The following RPS6KA2 variants were observed in gnomAD, a reference collection of about 807,000 sequenced individuals.
RPS6KA2 encodes ribosomal protein S6 kinase alpha-2.
Under a neutral mutation model 91.8 loss-of-function variants are expected in RPS6KA2, and 42 were observed. The ratio of observed to expected loss-of-function variants is 0.46; its 90% CI spans 0.36 to 0.59. RPS6KA2 has a LOEUF of 0.59. Among genes scored for constraint, RPS6KA2 ranks in the 20% least tolerant of loss-of-function variants. The probability of loss-of-function intolerance (pLI) is 0.00; values close to 1 mark genes in which losing one functional copy is unlikely to be tolerated. For missense variants in RPS6KA2, 798 were observed against 978.5 expected, an observed-to-expected ratio of 0.82 and a Z score of 2.46; for synonymous variants, 414 against 393.6, an observed-to-expected ratio of 1.05 and a Z score of -0.61.
chr6:166,802,471 T>C, intron 2 of RPS6KA2, among the ~76,000 whole-genome samples: 1 of 152,148 alleles, frequency 6.6e-6, no homozygotes, highest in East Asian at 1.9e-4. Flanking sequence ...GTGCTCAGAA[T>C]GAGTTAAAAT....
chr6:166,602,333 C>G (rs1785772071), intron 1 of RPS6KA2, among the ~76,000 whole-genome samples: 1 of 152,170 alleles, frequency 6.6e-6, no homozygotes, highest in Non-Finnish European at 1.5e-5. Flanking sequence ...GCTCCATGAC[C>G]CAGCAATCTC....
At position 166,849,320 on chromosome 6, in the gene RPS6KA2, T is replaced by C. The variant is rs1780678194; in HGVS notation, c.123+8880A>G. On this transcript the variant is annotated intron_variant, in intron 2 of 21. Coordinates refer to the RPS6KA2 transcript ENST00000503859. The surrounding 1 kb of genome is among the most constrained non-coding windows in gnomAD (Gnocchi z 4.9). ...CCACGCAGAGCACTCCCTGTCACCC[T>C]ATTTCTGCACAGTACTTACCCCCGT... is the stretch of plus-strand genomic sequence containing the variant. Among the ~76,000 whole-genome samples the C allele has an allele frequency of 6.6e-6, 1 of 152,226 alleles. No individual in the cohort carries two copies. Among genetic ancestry groups the C allele is most frequent in the Non-Finnish European group, 1.5e-5 (1 of 68,020 alleles).
intron 5 of RPS6KA2, 124 bp from the exon 6 acceptor site, chr6:166,504,736 G>C (rs1279165129): frequency 9.5e-6 from 6 of 630,310 alleles, no homozygotes; most frequent in Non-Finnish European, 1.4e-5. Flanking sequence ...TCTGTGGAAC[G>C]CTATGGCCCC....
intron 2 of RPS6KA2, among the ~76,000 whole-genome samples, chr6:166,809,534 G>T (rs1157825866): frequency 6.6e-6 from 1 of 152,320 alleles, no homozygotes; most frequent in Non-Finnish European, 1.5e-5. Flanking sequence ...GTTGCATAGG[G>T]TGTGGACAGG....
intron 2 of RPS6KA2, among the ~76,000 whole-genome samples, chr6:166,835,245 T>C (rs887695505): frequency 1.3e-5 from 2 of 152,212 alleles, no homozygotes; most frequent in African/African-American, 4.8e-5. Context: ...CCAACTTTAT[T>C]CTTCTTTCGC....
rs1460900562 is a variant in RPS6KA2 at position 166,603,592 on chromosome 6, T to G, written c.99+23329A>C. 6.6e-6 allele frequency among the ~76,000 whole-genome samples: 1 copy of G among 151,464 alleles called. No homozygotes were observed. Among genetic ancestry groups the G allele is most frequent in the Non-Finnish European group, 1.5e-5 (1 of 67,856 alleles). ...ATGGAAGTGCAGGTTGCTGAAGGAGTCATGGGAGGGGACATGACAGAAGAT... is the reference window on the plus strand; with the variant it reads ...ATGGAAGTGCAGGTTGCTGAAGGAGGCATGGGAGGGGACATGACAGAAGAT... On this transcript the variant is annotated intron_variant, in intron 1 of 20. Transcript: ENST00000265678. The surrounding 1 kb of genome is among the most constrained non-coding windows in gnomAD (Gnocchi z 4.3).
intron 3 of RPS6KA2, among the ~76,000 whole-genome samples, chr6:166,526,253 T>G (rs890425554): frequency 6.6e-6 from 1 of 151,754 alleles, no homozygotes; most frequent in Non-Finnish European, 1.5e-5. Flanking sequence ...CGAAACAGTA[T>G]AAGATGTAAA....
In RPS6KA2 at chr6:166,437,613, G is replaced by A. The variant is rs1001647208; in HGVS notation, c.1333-5123C>T. ...ATAAACTTTCCATGGTGTTGCCACCGAGCAGGCTGAATATTTCCACCTTCC... is the reference window on the plus strand; with the variant it reads ...ATAAACTTTCCATGGTGTTGCCACCAAGCAGGCTGAATATTTCCACCTTCC... On this transcript the variant is annotated intron_variant, in intron 14 of 20. Coordinates refer to ENST00000265678, the MANE Select transcript of RPS6KA2 (RefSeq NM_021135.6). The surrounding 1 kb of genome is among the most constrained non-coding windows in gnomAD (Gnocchi z 4.3). Among the ~76,000 whole-genome samples the A allele has an allele frequency of 7.9e-5, 12 of 152,308 alleles. No homozygotes were observed. Among genetic ancestry groups the A allele is most frequent in the South Asian group, 4.1e-4 (2 of 4,820 alleles).
At chr6:166,439,369 A>G (rs1367699455) in intron 14 of RPS6KA2, among the ~76,000 whole-genome samples, 4 of 152,182 alleles carry the variant, frequency 2.6e-5, no homozygotes, top group South Asian at 2.1e-4. Context: ...TGGCCTTTCA[A>G]TGTGCTGGGA....
chr6:166,528,788 T>G (rs796138311), intron 3 of RPS6KA2, among the ~76,000 whole-genome samples: 28,436 of 149,888 alleles, frequency 0.19, 2,949 homozygotes, highest in African/African-American at 0.26. Context: ...CTCAAAAGAA[T>G]ACATTTATGC....
At chr6:166,800,071 G>C (rs892699731) in intron 2 of RPS6KA2, among the ~76,000 whole-genome samples, 6 of 152,132 alleles carry the variant, frequency 3.9e-5, no homozygotes, top group Admixed American at 2.6e-4. Context: ...GTTTCTGGCA[G>C]TCTCCAGCCT....
At chr6:166,696,585 C>T (rs546686118) in intron 2 of RPS6KA2, among the ~76,000 whole-genome samples, 25 of 152,318 alleles carry the variant, frequency 1.6e-4, no homozygotes, top group Middle Eastern at 6.8e-3. Context: ...CCATTTTCTA[C>T]GTCAACTTGA....
In RPS6KA2 at chr6:166,490,728, G is replaced by A. The variant is rs758053401; in HGVS notation, c.761C>T (p.Thr254Met). 8.1e-6 allele frequency: 13 copies of A among 1,612,256 alleles called. No individual in the cohort carries two copies. Among genetic ancestry groups the A allele is most frequent in the South Asian group, 5.5e-5 (5 of 90,704 alleles). Residue 254 changes from threonine (T) to methionine (M), a missense_variant, in exon 9 of 21, where the codon ACG becomes ATG. Transcript: ENST00000265678. The surrounding 1 kb of genome is among the most constrained non-coding windows in gnomAD (Gnocchi z 4.2). ...SFGVLMFEMLTGSLPFQGKDR... is the reference protein window; with the variant it reads ...SFGVLMFEMLMGSLPFQGKDR... ...CTTCCCCTGGAACGGCAGGGACCCC[G>A]TGAGCATCTCAAACTGCAGAGCAAC... is the stretch of plus-strand genomic sequence containing the variant.
rs73263070 is a variant in RPS6KA2, at chr6:166,751,507, G to A, written c.123+106693C>T. 3.1e-3 allele frequency among the ~76,000 whole-genome samples: 470 copies of A among 152,356 alleles called. 2 individuals are homozygous for A. Among genetic ancestry groups the A allele is most frequent in the African/African-American group, 0.011 (453 of 41,578 alleles). On this transcript the variant is annotated intron_variant, in intron 2 of 21. Transcript: ENST00000503859. Reference sequence around the variant, plus strand: ...GCAGGGCGTGGAGGAGGTGCAGGCCGGCCAGCCCAAGGCAGATAACAGATG... The same window carrying A: ...GCAGGGCGTGGAGGAGGTGCAGGCCAGCCAGCCCAAGGCAGATAACAGATG...
Position 166,770,802 on chromosome 6 carries a change from A to G in RPS6KA2, c.123+87398T>C, listed in dbSNP as rs1396969988. 9.4e-7 allele frequency: 1 copy of G among 1,058,368 alleles called. No homozygotes were observed. The highest frequency in any genetic ancestry group is 1.3e-6 in the Non-Finnish European group (1 of 765,908). The allele number at this position is 1,058,368 out of a possible 1,614,324, so 65.6% of individuals were successfully genotyped here. ...TTGAAAAAGACTTCATGTTTAACTT[A>G]AAAAAAAAATGTAACTCACATAAGC... On this transcript the variant is annotated intron_variant, in intron 2 of 21. Transcript: ENST00000503859. The surrounding 1 kb of genome is among the most constrained non-coding windows in gnomAD (Gnocchi z 5.1).
rs762486899 is a variant in RPS6KA2, at chr6:166,732,388, G to A, written c.123+125812C>T. On this transcript the variant is annotated intron_variant, in intron 2 of 21. Transcript: ENST00000503859. This position sits in a 1 kb window ranked among gnomAD's most constrained non-coding sequence, Gnocchi z 4.0. ...ACATGGGGTCTGATTATTGGAGGCTGTTGGAGAGAGCTGGGTCACCAAGCC... is the reference window on the plus strand; with the variant it reads ...ACATGGGGTCTGATTATTGGAGGCTATTGGAGAGAGCTGGGTCACCAAGCC... Among the ~76,000 whole-genome samples the A allele has an allele frequency of 4.6e-5, 7 of 152,196 alleles. No individual in the cohort carries two copies. Among genetic ancestry groups the A allele is most frequent in the Non-Finnish European group, 1.0e-4 (7 of 68,042 alleles).
At chr6:166,569,208 G>T (rs1179166729) in intron 1 of RPS6KA2, among the ~76,000 whole-genome samples, 2 of 152,168 alleles carry the variant, frequency 1.3e-5, no homozygotes, top group Non-Finnish European at 2.9e-5. Flanking sequence ...AACCCACAGG[G>T]GCTGAGACCC....
chr6:166,755,441 A>G (rs1562421100), intron 2 of RPS6KA2, among the ~76,000 whole-genome samples: 2 of 152,180 alleles, frequency 1.3e-5, no homozygotes, highest in Admixed American at 1.3e-4. Flanking sequence ...CGGAACAGAA[A>G]GAGATGTGTT....
intron 1 of RPS6KA2, among the ~76,000 whole-genome samples, chr6:166,567,756 G>A (rs1161754758): frequency 6.6e-6 from 1 of 152,188 alleles, no homozygotes; most frequent in African/African-American, 2.4e-5. Flanking sequence ...AAACCTGTTC[G>A]GAGGAAACCC....
Sources: gnomAD v4.1 joint callset for allele counts (sites outside exome capture counted in the v4.1 genomes callset) on GRCh38, gnomAD v4.1.1 for gene constraint, Gnocchi (gnomAD v3.1) non-coding constraint, MANE v1.5 for transcripts, NCBI Gene and HGNC (gene_info 2026-07-23, HGNC 2026-07-21) for gene names.